The following SLC33A1 variants were observed in gnomAD, a reference collection of about 807,000 sequenced individuals.
The protein encoded by SLC33A1 is solute carrier family 33 member 1.
In SLC33A1, 20 loss-of-function variants were observed where a neutral mutation model predicts 50.0. The observed-to-expected ratio is 0.40, with a 90% confidence interval of 0.28 to 0.58. The LOEUF is 0.58. Ranked by LOEUF, SLC33A1 falls within the 20% of genes least tolerant of loss-of-function variation. The pLI, the probability that SLC33A1 is intolerant of heterozygous loss-of-function variation, is 0.44. For missense variants in SLC33A1, 476 were observed against 657.0 expected, an observed-to-expected ratio of 0.72 and a Z score of 3.01; for synonymous variants, 265 against 251.8, an observed-to-expected ratio of 1.05 and a Z score of -0.50.
chr3:155,846,903 G>A (rs1279771934), intron 1 of SLC33A1, among the ~76,000 whole-genome samples: 2 of 151,686 alleles, frequency 1.3e-5, no homozygotes, highest in South Asian at 2.1e-4. Context: ...ATTATAGGGA[G>A]ATTACTTTAA....
chr3:155,829,889 G>A lies in SLC33A1; in HGVS notation c.1281C>T (p.Ser427=). The A allele has an allele frequency of 6.2e-7, 1 of 1,607,346 alleles. No individual in the cohort carries two copies. Among genetic ancestry groups the A allele is most frequent in the Non-Finnish European group, 8.5e-7 (1 of 1,174,048 alleles). Residue 427 remains serine (S), a synonymous_variant, in exon 5 of 6, where the codon AGC becomes AGT. Transcript: ENST00000643144. ...TGAAAGCCATTATAGAAACATACAT[G>A]CTGTACACTGTAACCTACGGAAAAA... ...SYALHQVTVY[S]MYVSIMAFNA...
At chr3:155,832,690 G>A (rs1436152174) in intron 4 of SLC33A1, among the ~76,000 whole-genome samples, 22 of 141,072 alleles carry the variant, frequency 1.6e-4, no homozygotes, top group Non-Finnish European at 2.9e-4. Flanking sequence ...TTAGCCGGGC[G>A]TGGGCAGTGG....
chr3:155,852,585 T>C (rs1319694761), intron 1 of SLC33A1, among the ~76,000 whole-genome samples: 1 of 152,240 alleles, frequency 6.6e-6, no homozygotes, highest in Non-Finnish European at 1.5e-5. Context: ...CATTCTGGTG[T>C]GCCATTTCCT....
In SLC33A1 at chr3:155,829,869, G is replaced by GGTTATAGAAA. The variant is rs1379439650; in HGVS notation, c.1300_1301insTTTCTATAAC (p.Ala434ValfsTer10). ...TGGATCACTAACCTTTGCATTGAAA[G>GGTTATAGAAA]CCATTATAGAAACATACATGCTGTA... On this transcript the variant is annotated frameshift_variant, in exon 5 of 6. Coordinates refer to ENST00000643144, the MANE Select transcript of SLC33A1 (RefSeq NM_004733.4). LOFTEE classifies it high-confidence loss of function. 6.2e-7 allele frequency: 1 copy of GGTTATAGAAA among 1,613,110 alleles called. No individual in the cohort carries two copies. Among genetic ancestry groups the GGTTATAGAAA allele is most frequent in the Non-Finnish European group, 8.5e-7 (1 of 1,179,312 alleles).
At chr3:155,829,931 T>A in intron 4 of SLC33A1, 28 bp from the exon 5 acceptor site, 1 of 1,397,126 alleles carries the variant, frequency 7.2e-7, no homozygotes, top group East Asian at 2.3e-5. Flanking sequence ...ACATCTTTAG[T>A]ATGATTATAA....
Position 155,829,841 on chromosome 3 carries a change from A to G in SLC33A1, c.1329T>C (p.Leu443=). Residue 443 remains leucine (L), a synonymous_variant, in exon 5 of 6, where the codon CTT becomes CTC. Coordinates refer to ENST00000643144, the MANE Select transcript of SLC33A1 (RefSeq NM_004733.4). The part of the protein sequence containing the change: ...MAFNAKVSDP[L]IGGTYMTLLN... ...AAAGGGTCATGTATGTTCCTCCAAT[A>G]AGTGGATCACTAACCTTTGCATTGA... 4.3e-6 allele frequency: 7 copies of G among 1,613,878 alleles called. 1 individual carries two copies. The South Asian group carries it at 7.7e-5, about 18-fold the overall frequency.
chr3:155,852,856 G>T lies in SLC33A1; in HGVS notation c.775+367C>A, dbSNP rs546550566. Among the ~76,000 whole-genome samples the T allele has an allele frequency of 3.3e-5, 5 of 152,236 alleles. No homozygotes were observed. The South Asian group carries it at 1.0e-3, about 32-fold the overall frequency. On this transcript the variant is annotated intron_variant, in intron 1 of 5. Transcript: ENST00000643144. Reference sequence around the variant, plus strand: ...TGGGTACAACGGTAGGGGTAGAAATGGATTAGAAAGTATAGAGCTAGAAAC... The same window carrying T: ...TGGGTACAACGGTAGGGGTAGAAATTGATTAGAAAGTATAGAGCTAGAAAC...
In SLC33A1 at chr3:155,826,688, A is replaced by G. The variant is rs1376608837; in HGVS notation, c.*1522T>C. 6.6e-6 allele frequency: 1 copy of G among 152,178 alleles called. No individual in the cohort carries two copies. Among genetic ancestry groups the G allele is most frequent in the Non-Finnish European group, 1.5e-5 (1 of 68,046 alleles). The allele number at this position is 152,178 out of a possible 1,614,324, so 9.4% of individuals were successfully genotyped here. On this transcript the variant is annotated 3_prime_UTR_variant, in exon 6 of 6. Transcript: ENST00000643144. ...TCTTCAGGATCTGACATCGATGCCC[A>G]ACACAGGCTTTCCAATGGCAATGCA...
chr3:155,830,989 C>T (rs1459330231), intron 4 of SLC33A1, among the ~76,000 whole-genome samples: 1 of 152,006 alleles, frequency 6.6e-6, no homozygotes, highest in African/African-American at 2.4e-5. Context: ...GTTCCAAAGT[C>T]AAATAAGACT....
intron 2 of SLC33A1, among the ~76,000 whole-genome samples, chr3:155,834,858 A>T (rs948141506): frequency 6.6e-6 from 1 of 152,166 alleles, no homozygotes; most frequent in Non-Finnish European, 1.5e-5. Context: ...AACATGAGAG[A>T]AATGTAACTA....
rs1247850926 is a variant in SLC33A1 at position 155,822,794 on chromosome 3, T to C, written c.*5416A>G. The C allele has an allele frequency of 6.6e-6, 1 of 152,232 alleles. No homozygotes were observed. The highest frequency in any genetic ancestry group is 6.5e-5 in the Admixed American group (1 of 15,284). The allele number at this position is 152,232 out of a possible 1,614,324, so 9.4% of individuals were successfully genotyped here. On this transcript the variant is annotated 3_prime_UTR_variant, in exon 6 of 6. Transcript: ENST00000643144. ...TATGCAAATTAATATTGCTGATATT[T>C]AAATATGATCTCTTTCATTACACAT...
chr3:155,836,303 A>G (rs1346352049), intron 2 of SLC33A1, among the ~76,000 whole-genome samples: 4 of 140,600 alleles, frequency 2.8e-5, no homozygotes, highest in Non-Finnish European at 6.0e-5. Flanking sequence ...AAAAAAAAAA[A>G]AAAAAAAAAA....
At chr3:155,852,023 AT>A (rs1327638450) in intron 1 of SLC33A1, among the ~76,000 whole-genome samples, 1 of 152,234 alleles carries the variant, frequency 6.6e-6, no homozygotes, top group Non-Finnish European at 1.5e-5. Flanking sequence ...AGTTGCTTAA[AT>A]TTCAAAACAG....
chr3:155,848,145 A>G (rs1373550451), intron 1 of SLC33A1, among the ~76,000 whole-genome samples: 1 of 152,182 alleles, frequency 6.6e-6, no homozygotes, highest in Non-Finnish European at 1.5e-5. Flanking sequence ...ATTTTTTTAA[A>G]GATGGGTCTT....
chr3:155,846,421 G>A (rs1753177518), intron 1 of SLC33A1, among the ~76,000 whole-genome samples: 1 of 151,062 alleles, frequency 6.6e-6, no homozygotes, highest in Non-Finnish European at 1.5e-5. Flanking sequence ...CTCCAACCAT[G>A]AGGTCTGGAA....
intron 1 of SLC33A1, among the ~76,000 whole-genome samples, chr3:155,850,979 T>C (rs1028022994): frequency 8.6e-5 from 13 of 151,090 alleles, no homozygotes; most frequent in Non-Finnish European, 1.3e-4. Flanking sequence ...CGCAGTGGCT[T>C]ACGCCTGTAA....
At chr3:155,840,499 G>A (rs989677685) in intron 2 of SLC33A1, among the ~76,000 whole-genome samples, 1 of 152,032 alleles carries the variant, frequency 6.6e-6, no homozygotes, top group South Asian at 2.1e-4. Flanking sequence ...CTGGTCAACA[G>A]GGTGAAACCC....
At chr3:155,851,905 A>G (rs529407285) in intron 1 of SLC33A1, among the ~76,000 whole-genome samples, 1 of 152,338 alleles carries the variant, frequency 6.6e-6, no homozygotes, top group East Asian at 1.9e-4. Context: ...GTCTGTGAGA[A>G]TAAGATTGCA....
rs1325256310 is a variant in SLC33A1 at position 155,822,100 on chromosome 3, A to T, written c.*6110T>A. 3 of 151,976 alleles carry T rather than the reference A, an allele frequency of 2.0e-5. No individual in the cohort carries two copies. The highest frequency in any genetic ancestry group is 6.6e-5 in the Admixed American group (1 of 15,250). The allele number at this position is 151,976 out of a possible 1,614,324, so 9.4% of individuals were successfully genotyped here. Reference sequence around the variant, plus strand: ...AATATGCCACTTTCTTAAATATCAAATTTTTTTCCAATCTTATATTTCTCT... The same window carrying T: ...AATATGCCACTTTCTTAAATATCAATTTTTTTTCCAATCTTATATTTCTCT... On this transcript the variant is annotated 3_prime_UTR_variant, in exon 6 of 6. Transcript: ENST00000643144.
Sources: allele counts gnomAD v4.1 joint callset (sites outside exome capture counted in the v4.1 genomes callset), GRCh38; gene constraint gnomAD v4.1.1; transcripts MANE v1.5; gene names NCBI Gene and HGNC (gene_info 2026-07-23, HGNC 2026-07-21).